The following PLAGL1 variants were observed in gnomAD, a reference collection of about 807,000 sequenced individuals.
PLAGL1 encodes the protein PLAG1 like zinc finger 1, also known as zinc finger protein PLAGL1.
PLAGL1 carries 1 observed loss-of-function variant against 4.6 expected under a neutral mutation model. The observed-to-expected ratio is 0.22, with a 90% CI of 0.08 to 1.03. The LOEUF (loss-of-function observed/expected upper bound fraction) is 1.03. Ranked by LOEUF, PLAGL1 falls within the 50% of genes least tolerant of loss-of-function variation. PLAGL1 has a pLI of 0.58. For missense variants in PLAGL1, 464 were observed against 570.4 expected (o/e 0.81, Z 1.90); for synonymous variants, 240 against 237.8 (o/e 1.01, Z -0.08).
In PLAGL1 at chr6:143,963,104, G is replaced by A. The variant is rs192959010; in HGVS notation, c.-399+1683C>T. 6.6e-5 allele frequency among the ~76,000 whole-genome samples: 10 copies of A among 152,266 alleles called. No individual in the cohort carries two copies. The highest frequency in any genetic ancestry group is 2.4e-4 in the African/African-American group (10 of 41,536). On this transcript the variant is annotated intron_variant, in intron 5 of 7. Transcript: ENST00000674357. This position sits in a 1 kb window ranked among gnomAD's most constrained non-coding sequence, Gnocchi z 6.1. ...GATGTCATTTTAAAGGTGACACTGG[G>A]GGGCATGGTATGAAGGGGTTGCTGG...
rs1190466420 is a variant in PLAGL1 at position 144,006,785 on chromosome 6, G to A, written c.-584+1305C>T. 1 of 152,018 alleles carries A rather than the reference G, an allele frequency of 6.6e-6. No homozygotes were observed. Among genetic ancestry groups the A allele is most frequent in the Non-Finnish European group, 1.5e-5 (1 of 68,002 alleles). 9.4% of individuals were successfully genotyped at this position (152,018 alleles called of 1,614,324 possible). Reference sequence around the variant, plus strand: ...TGGACATGTATTAAAATTTATCTAGGGCAGTGGCTTTCAAACTTTTTTGTC... The same window carrying A: ...TGGACATGTATTAAAATTTATCTAGAGCAGTGGCTTTCAAACTTTTTTGTC... On this transcript the variant is annotated intron_variant, in intron 1 of 7. Coordinates refer to ENST00000674357, the MANE Select transcript of PLAGL1 (RefSeq NM_001317162.2). The surrounding 1 kb of genome is among the most constrained non-coding windows in gnomAD (Gnocchi z 4.3).
intron 1 of PLAGL1, among the ~76,000 whole-genome samples, chr6:144,043,290 A>G (rs1019814839): frequency 1.3e-5 from 2 of 152,230 alleles, no homozygotes; most frequent in East Asian, 3.8e-4. Flanking sequence ...TTGCCCATTC[A>G]GTATGATATT....
chr6:143,952,562 C>T lies in PLAGL1; in HGVS notation c.-324-4102G>A, dbSNP rs1382006583. Among the ~76,000 whole-genome samples, 1 of 152,114 alleles carries T rather than the reference C, an allele frequency of 6.6e-6. No individual in the cohort carries two copies. Among genetic ancestry groups the T allele is most frequent in the African/African-American group, 2.4e-5 (1 of 41,420 alleles). On this transcript the variant is annotated intron_variant, in intron 6 of 7. Coordinates refer to ENST00000674357, the MANE Select transcript of PLAGL1 (RefSeq NM_001317162.2). This position sits in a 1 kb window ranked among gnomAD's most constrained non-coding sequence, Gnocchi z 6.1. ...GATTATTTTGGGGATGAGAGAGGAT[C>T]AGACGGGAAGAAGAACATATATATA...
chr6:144,030,254 C>CA (rs66563676), intron 1 of PLAGL1, among the ~76,000 whole-genome samples: 10,349 of 44,480 alleles, frequency 0.23, 3,156 homozygotes, highest in East Asian at 0.42. Context: ...GACTCCGTCT[C>CA]AAAAAAAAAA....
Position 143,972,098 on chromosome 6 carries a change from G to T in PLAGL1, c.-543-3120C>A, listed in dbSNP as rs972982984. On this transcript the variant is annotated intron_variant, in intron 2 of 7. Transcript: ENST00000674357. The surrounding 1 kb of genome is among the most constrained non-coding windows in gnomAD (Gnocchi z 6.8). Reference sequence around the variant, plus strand: ...AATCAGGTAACAGCAGACCAATCAGGTTCTCCCAAAATTTAGTATTTGCAG... The same window carrying T: ...AATCAGGTAACAGCAGACCAATCAGTTTCTCCCAAAATTTAGTATTTGCAG... 2.6e-5 allele frequency among the ~76,000 whole-genome samples: 4 copies of T among 152,164 alleles called. No individual in the cohort carries two copies. The highest frequency in any genetic ancestry group is 6.5e-5 in the Admixed American group (1 of 15,278).
Position 143,964,994 on chromosome 6 carries a change from T to C in PLAGL1, c.-430-176A>G, listed in dbSNP as rs1416205674. 6.6e-6 allele frequency: 1 copy of C among 152,176 alleles called. No individual in the cohort carries two copies. The highest frequency in any genetic ancestry group is 1.5e-5 in the Non-Finnish European group (1 of 68,042). 9.4% of individuals were successfully genotyped at this position (152,176 alleles called of 1,614,324 possible). ...CCAGGACACCCCCGTTTCCCAAGCC[T>C]GGATGTGCCTCCCAGGGTAGCATGC... On this transcript the variant is annotated intron_variant, in intron 4 of 7. Transcript: ENST00000674357. This position sits in a 1 kb window ranked among gnomAD's most constrained non-coding sequence, Gnocchi z 4.3.
intron 1 of PLAGL1, among the ~76,000 whole-genome samples, chr6:143,998,757 T>C (rs1044602808): frequency 6.7e-6 from 1 of 149,958 alleles, no homozygotes; most frequent in African/African-American, 2.5e-5. Context: ...TGAAAAAAAA[T>C]GGTTGAAAAT....
rs533366495 is a variant in PLAGL1 at position 143,971,269 on chromosome 6, G to A, written c.-543-2291C>T. On this transcript the variant is annotated intron_variant, in intron 2 of 7. Transcript: ENST00000674357. This position sits in a 1 kb window ranked among gnomAD's most constrained non-coding sequence, Gnocchi z 4.7. Reference sequence around the variant, plus strand: ...CCCCTTCCTCTACGAGATTCCTCCCGCAATTCACAAATGTGTAAACCTCTA... The same window carrying A: ...CCCCTTCCTCTACGAGATTCCTCCCACAATTCACAAATGTGTAAACCTCTA... Among the ~76,000 whole-genome samples, 410 of 151,950 alleles carry A rather than the reference G, an allele frequency of 2.7e-3. 3 individuals carry two copies. The highest frequency in any genetic ancestry group is 9.3e-3 in the African/African-American group (385 of 41,434).
At chr6:144,046,111 C>A (rs1798125741) in intron 1 of PLAGL1, among the ~76,000 whole-genome samples, 1 of 152,120 alleles carries the variant, frequency 6.6e-6, no homozygotes, top group African/African-American at 2.4e-5. Flanking sequence ...TTCTGGCTTC[C>A]TTGCAATGGG....
Position 144,015,311 on chromosome 6 carries a change from C to T in PLAGL1, c.-150-46333G>A, listed in dbSNP as rs1312409702. On this transcript the variant is annotated intron_variant, in intron 1 of 3. Transcript: ENST00000437412. This position sits in a 1 kb window ranked among gnomAD's most constrained non-coding sequence, Gnocchi z 4.3. ...TGGCTACTGGAACATTTTAAATTAC[C>T]TATCTAGCTTACATGATATTTCTGT... 3.3e-5 allele frequency among the ~76,000 whole-genome samples: 5 copies of T among 152,130 alleles called. No individual in the cohort carries two copies. The highest frequency in any genetic ancestry group is 5.9e-5 in the Non-Finnish European group (4 of 68,026).
intron 1 of PLAGL1, among the ~76,000 whole-genome samples, chr6:144,014,872 C>A (rs985259598): frequency 1.3e-5 from 2 of 152,082 alleles, no homozygotes; most frequent in African/African-American, 4.8e-5. Context: ...GAGCCACTGT[C>A]CCCAGCCTAG....
rs1794164190 is a variant in PLAGL1 at position 144,006,326 on chromosome 6, A to T, written c.-584+1764T>A. ...TATTTGGGGGGAAATGTAACATTCA[A>T]ACCCAGTGTGTATCATTTAACAAAG... On this transcript the variant is annotated intron_variant, in intron 1 of 7. Transcript: ENST00000674357. This position sits in a 1 kb window ranked among gnomAD's most constrained non-coding sequence, Gnocchi z 4.3. 6.6e-6 allele frequency: 1 copy of T among 152,190 alleles called. No individual in the cohort carries two copies. Among genetic ancestry groups the T allele is most frequent in the Non-Finnish European group, 1.5e-5 (1 of 68,040 alleles). 9.4% of individuals were successfully genotyped at this position (152,190 alleles called of 1,614,324 possible).
At chr6:143,969,441 A>G (rs1785014458) in intron 2 of PLAGL1, among the ~76,000 whole-genome samples, 1 of 151,982 alleles carries the variant, frequency 6.6e-6, no homozygotes, top group Non-Finnish European at 1.5e-5. Flanking sequence ...ATGTATTTGT[A>G]TTTATTTTTC....
upstream of PLAGL1, among the ~76,000 whole-genome samples, chr6:144,012,748 G>T (rs146899606): frequency 6.6e-6 from 1 of 152,096 alleles, no homozygotes; most frequent in African/African-American, 2.4e-5. The surrounding 1 kb of genome is among the most constrained non-coding windows in gnomAD (Gnocchi z 4.8). Flanking sequence ...CCTCAATGAC[G>T]CATGCTTTGG....
At position 144,063,219 on chromosome 6, in the gene PLAGL1, C is replaced by T. The variant is rs755921372; in HGVS notation, c.-151+1249G>A. Among the ~76,000 whole-genome samples, 15 of 152,190 alleles carry T rather than the reference C, an allele frequency of 9.9e-5. No homozygotes were observed. The highest frequency in any genetic ancestry group is 1.5e-4 in the Non-Finnish European group (10 of 68,040). ...GAACTTTGTAGTATTCCAATTTCTCCCCTTTCCACACACTTCCATACACCC... is the reference window on the plus strand; with the variant it reads ...GAACTTTGTAGTATTCCAATTTCTCTCCTTTCCACACACTTCCATACACCC... On this transcript the variant is annotated intron_variant, in intron 1 of 3. Coordinates refer to the PLAGL1 transcript ENST00000437412. This position sits in a 1 kb window ranked among gnomAD's most constrained non-coding sequence, Gnocchi z 5.7.
intron 1 of PLAGL1, among the ~76,000 whole-genome samples, chr6:143,988,578 T>C (rs1319543600): frequency 6.6e-6 from 1 of 152,214 alleles, no homozygotes; most frequent in East Asian, 1.9e-4. Flanking sequence ...ATGAAAGCAT[T>C]TGAAAATTCT....
intron 1 of PLAGL1, among the ~76,000 whole-genome samples, chr6:144,017,950 C>A (rs1292236205): frequency 6.6e-6 from 1 of 152,192 alleles, no homozygotes; most frequent in Admixed American, 6.5e-5. Flanking sequence ...CAGCCTACAC[C>A]ACAAGGTTCA....
At chr6:143,967,781 C>T (rs1222880328) in intron 3 of PLAGL1, 1 of 152,094 alleles carries the variant, frequency 6.6e-6, no homozygotes, top group Non-Finnish European at 1.5e-5. Context: ...GGAATCCAAG[C>T]ACACGACCTA....
chr6:144,023,127 A>T (rs1305204058), intron 1 of PLAGL1, among the ~76,000 whole-genome samples: 2 of 152,252 alleles, frequency 1.3e-5, no homozygotes, highest in Non-Finnish European at 2.9e-5. Context: ...AAAAGGAGCA[A>T]GTTTGAAAAG....
Sources: gnomAD v4.1 joint callset for allele counts (sites outside exome capture counted in the v4.1 genomes callset) on GRCh38, gnomAD v4.1.1 for gene constraint, Gnocchi (gnomAD v3.1) non-coding constraint, MANE v1.5 for transcripts, NCBI Gene and HGNC (gene_info 2026-07-23, HGNC 2026-07-21) for gene names.